Variants in MYO1H observed in about 807,000 individuals in gnomAD.
MYO1H encodes unconventional myosin-Ih.
In MYO1H, 118 loss-of-function variants were observed where a neutral mutation model predicts 149.3. That is an observed-to-expected ratio of 0.79 (90% CI 0.68 to 0.92). The LOEUF (loss-of-function observed/expected upper bound fraction) is 0.92. Ranked by LOEUF, MYO1H falls within the 40% of genes least tolerant of loss-of-function variation. MYO1H has a pLI of 0.00. For synonymous variants in MYO1H, 447 were observed against 465.2 expected, an observed-to-expected ratio of 0.96 and a Z score of 0.50; for missense variants, 1,212 against 1,280.7, an observed-to-expected ratio of 0.95 and a Z score of 0.82.
chr12:109,326,435 G>C, the MYO1H span, among the ~76,000 whole-genome samples: 2,667 of 152,200 alleles, frequency 0.018, 74 homozygotes, highest in African/African-American at 0.061. Context: ...TTACAAGTGA[G>C]TAACAAGCCA....
intron 1 of MYO1H, among the ~76,000 whole-genome samples, chr12:109,384,169 G>A (rs932332548): frequency 6.6e-6 from 1 of 152,144 alleles, no homozygotes; most frequent in African/African-American, 2.4e-5. Context: ...CACCAGAGAT[G>A]GCCATTCATT....
At chr12:109,404,038 C>A in exon 7 of MYO1H, 1 of 1,613,672 alleles carries the variant, frequency 6.2e-7, no homozygotes, top group Non-Finnish European at 8.5e-7. Context: ...AAACTGTTTC[C>A]AACGCCTTTT....
exon 32 of MYO1H, chr12:109,448,265 C>T (rs937432110): frequency 6.6e-6 from 1 of 151,622 alleles, no homozygotes; most frequent in Admixed American, 6.6e-5. Flanking sequence ...TCTCAGCTTC[C>T]AAGAACCTAT....
At chr12:109,435,182 CTT>C in intron 21 of MYO1H, 69 bp downstream of exon 21, 4 of 1,046,890 alleles carry the variant, frequency 3.8e-6, no homozygotes, top group Non-Finnish European at 5.7e-6. Context: ...GGGGGTAAAT[CTT>C]AAACACGGGT....
At chr12:109,349,495 A>G (rs12824535) in intron 1 of MYO1H, among the ~76,000 whole-genome samples, 2 of 145,902 alleles carry the variant, frequency 1.4e-5, no homozygotes, top group South Asian at 2.2e-4. Context: ...TGACCCCCCC[A>G]CCAAAAAAAT....
exon 12 of MYO1H, chr12:109,410,064 T>C (rs2135559538): frequency 6.7e-7 from 1 of 1,490,014 alleles, no homozygotes; most frequent in Middle Eastern, 1.7e-4. Flanking sequence ...ATGGAAGGCA[T>C]AGAGGTAAAC....
chr12:109,419,706 C>T (rs1444555977), intron 15 of MYO1H, among the ~76,000 whole-genome samples: 5 of 151,892 alleles, frequency 3.3e-5, no homozygotes, highest in Admixed American at 6.6e-5. Flanking sequence ...CACCACCACA[C>T]GCAGCTAAGT....
At chr12:109,379,317 G>GT (rs1368897937) in intron 1 of MYO1H, among the ~76,000 whole-genome samples, 2 of 152,184 alleles carry the variant, frequency 1.3e-5, no homozygotes, top group Admixed American at 6.5e-5. Flanking sequence ...TGGGAATAAT[G>GT]TCCATTTTTA....
chr12:109,339,566 G>A, the MYO1H span, among the ~76,000 whole-genome samples: 3 of 152,132 alleles, frequency 2.0e-5, no homozygotes, highest in Admixed American at 2.0e-4. Context: ...TGAAGGGCAA[G>A]AAACAAACTG....
intron 30 of MYO1H, 50 bp downstream of exon 30, chr12:109,444,579 T>C (rs1193217593): frequency 6.9e-7 from 1 of 1,449,764 alleles, no homozygotes; most frequent in Admixed American, 1.7e-5. Flanking sequence ...TTAAAATGTT[T>C]ATTAAGGCCG....
chr12:109,418,041 C>T (rs1871006122), intron 15 of MYO1H, among the ~76,000 whole-genome samples: 1 of 151,974 alleles, frequency 6.6e-6, no homozygotes, highest in Non-Finnish European at 1.5e-5. Flanking sequence ...TGGTCTCGAT[C>T]TCCTGACCTC....
At chr12:109,427,370 C>G (rs1026847866) in intron 18 of MYO1H, 99 bp from the exon 19 acceptor site, 3 of 759,580 alleles carry the variant, frequency 3.9e-6, no homozygotes, top group Non-Finnish European at 7.1e-6. Flanking sequence ...TGGGGCCAGA[C>G]CCAGCCCACT....
intron 1 of MYO1H, among the ~76,000 whole-genome samples, chr12:109,356,318 C>T (rs1188668838): frequency 6.6e-6 from 1 of 152,046 alleles, no homozygotes; most frequent in Non-Finnish European, 1.5e-5. Context: ...ATCTTTTGTT[C>T]CAGAGAAAGA....
chr12:109,365,769 G>A (rs1868852974), intron 1 of MYO1H, among the ~76,000 whole-genome samples: 1 of 152,168 alleles, frequency 6.6e-6, no homozygotes, highest in Admixed American at 6.5e-5. Flanking sequence ...TGATGGAACG[G>A]GAGGCCTAGA....
intron 19 of MYO1H, among the ~76,000 whole-genome samples, chr12:109,428,097 A>T (rs1451764713): frequency 3.4e-5 from 5 of 148,848 alleles, no homozygotes; most frequent in African/African-American, 1.2e-4. Flanking sequence ...AAAACAAAAC[A>T]AAACAACAAA....
chr12:109,313,331 T>A, the MYO1H span, among the ~76,000 whole-genome samples: 5 of 152,152 alleles, frequency 3.3e-5, no homozygotes, highest in Non-Finnish European at 7.4e-5. Flanking sequence ...GCCAGTAATT[T>A]CGAATTCTGG....
At chr12:109,398,134 A>T (rs1418423177) in intron 5 of MYO1H, among the ~76,000 whole-genome samples, 1 of 152,238 alleles carries the variant, frequency 6.6e-6, no homozygotes, top group Non-Finnish European at 1.5e-5. Flanking sequence ...TGTACCAGAG[A>T]TATGATGCTA....
At chr12:109,414,568 A>G (rs1228389700) in intron 14 of MYO1H, among the ~76,000 whole-genome samples, 1 of 152,066 alleles carries the variant, frequency 6.6e-6, no homozygotes, top group African/African-American at 2.4e-5. Context: ...TCTCAACATT[A>G]TAAAAATATA....
intron 7 of MYO1H, among the ~76,000 whole-genome samples, chr12:109,404,791 G>A (rs1024418943): frequency 1.3e-5 from 2 of 150,194 alleles, no homozygotes; most frequent in African/African-American, 4.9e-5. Context: ...TTCTGTTTTG[G>A]TACAAACTAG....
Sources: allele counts gnomAD v4.1 joint callset (sites outside exome capture counted in the v4.1 genomes callset), GRCh38; gene constraint gnomAD v4.1.1; transcripts MANE v1.5; gene names NCBI Gene and HGNC (gene_info 2026-07-23, HGNC 2026-07-21).